CDK18: variants seen among roughly 807,000 people sequenced by gnomAD.
CDK18 encodes the protein cyclin-dependent kinase 18.
Under a neutral mutation model 62.0 loss-of-function variants are expected in CDK18, and 52 were observed. The observed-to-expected ratio is 0.84, with a 90% CI of 0.67 to 1.06. The LOEUF (loss-of-function observed/expected upper bound fraction) is 1.06, where lower values mean the gene tolerates loss of function less well. Among genes scored for constraint, CDK18 ranks in the 50% least tolerant of loss-of-function variants. The probability of loss-of-function intolerance (pLI) is 0.00; values close to 1 mark genes in which losing one functional copy is unlikely to be tolerated. For synonymous variants in CDK18, 237 were observed against 247.0 expected (o/e 0.96, Z 0.38); for missense variants, 604 against 619.9 (o/e 0.97, Z 0.27).
chr1:205,525,796 C>T (rs16855729), intron 5 of CDK18, among the ~76,000 whole-genome samples: 11,686 of 152,220 alleles, frequency 0.077, 547 homozygotes, highest in Admixed American at 0.13. Flanking sequence ...TAAACATCAG[C>T]ATCGTATAAG....
intron 1 of CDK18, among the ~76,000 whole-genome samples, chr1:205,519,763 G>C (rs1197845702): frequency 6.6e-6 from 1 of 152,036 alleles, no homozygotes; most frequent in Non-Finnish European, 1.5e-5. Flanking sequence ...TGTGACTCAG[G>C]GCTGAATCTC....
rs927653565 is a variant in CDK18 at position 205,526,625 on chromosome 1, G to C, written c.667-150G>C. 17 of 949,408 alleles carry C rather than the reference G, an allele frequency of 1.8e-5. No homozygotes were observed. In the Middle Eastern group the frequency reaches 7.0e-4, roughly 39 times the overall value. 58.8% of individuals were successfully genotyped at this position (949,408 alleles called of 1,614,324 possible). A position where few individuals can be genotyped will look rare whatever the true frequency, so the allele number is the denominator to read the frequency against. On this transcript the variant is annotated intron_variant, in intron 7 of 15. Transcript: ENST00000429964. ...GCTCCCGTGCAGGAGTGGGCCAAGA[G>C]CTCAGGCTTACGGGTGGCTCGAGCC...
At chr1:205,519,227 CA>C (rs1337620493) in intron 1 of CDK18, among the ~76,000 whole-genome samples, 1 of 152,126 alleles carries the variant, frequency 6.6e-6, no homozygotes, top group Non-Finnish European at 1.5e-5. Flanking sequence ...CCTCGACCCC[CA>C]AATCTGAGGA....
Position 205,529,084 on chromosome 1 carries a change from T to C in CDK18, c.1060T>C (p.Phe354Leu). Residue 354 changes from phenylalanine (F) to leucine (L), a missense_variant, in exon 11 of 16, where the codon TTT becomes CTT. Physicochemically the swap from Phe to Leu is conservative, Grantham distance 22. Coordinates refer to ENST00000429964, the MANE Select transcript of CDK18 (RefSeq NM_212502.3). ...AGTCAAGGAGGAGCTGCACCTCATC[T>C]TTCGCCTCCTCGGTCAGTCTCCCGC... ...STVKEELHLIFRLLGTPTEET... is the reference protein window; with the variant it reads ...STVKEELHLILRLLGTPTEET... The C allele has an allele frequency of 1.3e-6, 2 of 1,582,464 alleles. No individual in the cohort carries two copies. The highest frequency in any genetic ancestry group is 1.7e-6 in the Non-Finnish European group (2 of 1,164,052).
At chr1:205,508,238 C>CT (rs1667404597) in intron 1 of CDK18, among the ~76,000 whole-genome samples, 2 of 152,248 alleles carry the variant, frequency 1.3e-5, no homozygotes, top group African/African-American at 4.8e-5. Flanking sequence ...TCACCTTTGC[C>CT]CTCCAGGCAT....
intron 1 of CDK18, among the ~76,000 whole-genome samples, chr1:205,518,845 C>T (rs1667965780): frequency 6.6e-6 from 1 of 152,182 alleles, no homozygotes; most frequent in South Asian, 2.1e-4. Flanking sequence ...AGGTTCTGGG[C>T]CGGCTGCTGT....
rs1575056177 is a variant in CDK18, at chr1:205,517,402, T to C, written c.-21-5745T>C. On this transcript the variant is annotated intron_variant, in intron 1 of 15. Coordinates refer to ENST00000429964, the MANE Select transcript of CDK18 (RefSeq NM_212502.3). This position sits in a 1 kb window ranked among gnomAD's most constrained non-coding sequence, Gnocchi z 4.1. ...GATGAAGTTTATATGAGGACTCTTT[T>C]TGTCTGGGCAGTAGCTTGAGAGAGG... 2.0e-5 allele frequency among the ~76,000 whole-genome samples: 3 copies of C among 152,184 alleles called. No individual in the cohort carries two copies. In the East Asian group the frequency reaches 5.8e-4, roughly 29 times the overall value.
intron 1 of CDK18, among the ~76,000 whole-genome samples, chr1:205,519,738 C>G (rs968291978): frequency 1.3e-5 from 2 of 152,096 alleles, no homozygotes; most frequent in African/African-American, 4.8e-5. Context: ...CTCACTGAAC[C>G]TTAGGGAGAG....
chr1:205,527,716 G>T lies in CDK18; in HGVS notation c.730-78G>T. The T allele has an allele frequency of 7.1e-7, 1 of 1,415,708 alleles. No homozygotes were observed. The highest frequency in any genetic ancestry group is 1.4e-5 in the African/African-American group (1 of 71,500). 87.7% of individuals were successfully genotyped at this position (1,415,708 alleles called of 1,614,324 possible). A position where few individuals can be genotyped will look rare whatever the true frequency, so the allele number is the denominator to read the frequency against. On this transcript the variant is annotated intron_variant, in intron 8 of 15. Coordinates refer to ENST00000429964, the MANE Select transcript of CDK18 (RefSeq NM_212502.3). The surrounding 1 kb of genome is among the most constrained non-coding windows in gnomAD (Gnocchi z 4.1). ...GTGCTGACCTCACTGCCAAGCCCCT[G>T]CCCCCATCCTGGTCCCAGCCTTGGA...
At position 205,528,692 on chromosome 1, in the gene CDK18, A is replaced by C. The variant is rs1368500642; in HGVS notation, c.975-307A>C. On this transcript the variant is annotated intron_variant, in intron 10 of 15. Transcript: ENST00000429964. The surrounding 1 kb of genome is among the most constrained non-coding windows in gnomAD (Gnocchi z 4.2). ...GCACACAGTGGAGAGAGTTTGAGAC[A>C]ACACTGCTGAGAGAATTGCCACATG... The C allele has an allele frequency of 2.8e-6, 1 of 353,494 alleles. No individual in the cohort carries two copies. The highest frequency in any genetic ancestry group is 4.3e-5 in the East Asian group (1 of 23,054). 21.9% of individuals were successfully genotyped at this position (353,494 alleles called of 1,614,324 possible).
chr1:205,514,040 T>TTGGGTCAGGCTC (rs1667699182), intron 1 of CDK18, among the ~76,000 whole-genome samples: 1 of 152,256 alleles, frequency 6.6e-6, no homozygotes, highest in African/African-American at 2.4e-5. Flanking sequence ...GTCTCAGGCT[T>TTGGGTCAGGCTC]TGGGTCAGGC....
intron 1 of CDK18, among the ~76,000 whole-genome samples, chr1:205,509,812 G>A (rs911027920): frequency 7.2e-5 from 11 of 152,152 alleles, no homozygotes; most frequent in Non-Finnish European, 1.5e-4. Flanking sequence ...AGGCACAGAG[G>A]CTCACACCTG....
In CDK18 at chr1:205,531,638, AG is replaced by A. The variant is rs935600520; in HGVS notation, c.*268del. 1.6e-4 allele frequency: 79 copies of A among 488,510 alleles called. No individual in the cohort carries two copies. The highest frequency in any genetic ancestry group is 1.9e-4 in the Non-Finnish European group (51 of 266,720). 30.3% of individuals were successfully genotyped at this position (488,510 alleles called of 1,614,324 possible). A position where few individuals can be genotyped will look rare whatever the true frequency, so the allele number is the denominator to read the frequency against. On this transcript the variant is annotated 3_prime_UTR_variant, in exon 16 of 16. Coordinates refer to ENST00000429964, the MANE Select transcript of CDK18 (RefSeq NM_212502.3). ...TAAGCTGCTTCCCTGAGAGGACATG[AG>A]GGGGGGGCGGTCCTCGTACCCTCTC...
At chr1:205,529,200 C>T (rs944696003) in intron 11 of CDK18, 104 bp downstream of exon 11, 1 of 1,349,210 alleles carries the variant, frequency 7.4e-7, no homozygotes, top group Non-Finnish European at 1.0e-6. Context: ...CCGCCTCTCT[C>T]CCGGGCGGGG....
chr1:205,516,626 A>G lies in CDK18; in HGVS notation c.-21-6521A>G, dbSNP rs905525471. On this transcript the variant is annotated intron_variant, in intron 1 of 15. Transcript: ENST00000429964. The surrounding 1 kb of genome is among the most constrained non-coding windows in gnomAD (Gnocchi z 4.8). ...AGGCATAGAGACCAACGTGCTCCAGATGAGGGAGACAGGTGAAAAGTCACG... is the reference window on the plus strand; with the variant it reads ...AGGCATAGAGACCAACGTGCTCCAGGTGAGGGAGACAGGTGAAAAGTCACG... Among the ~76,000 whole-genome samples, 2 of 152,158 alleles carry G rather than the reference A, an allele frequency of 1.3e-5. No individual in the cohort carries two copies. Among genetic ancestry groups the G allele is most frequent in the Non-Finnish European group, 2.9e-5 (2 of 68,022 alleles).
In CDK18 at chr1:205,531,700, A is replaced by C. The variant is rs1209613316; in HGVS notation, c.*322A>C. On this transcript the variant is annotated 3_prime_UTR_variant, in exon 16 of 16. Coordinates refer to ENST00000429964, the MANE Select transcript of CDK18 (RefSeq NM_212502.3). ...GTTTGGGCACCTGCGTGGGATGCAC[A>C]CGGATGACAGAATCAAGGCGCCAGG... 2.7e-6 allele frequency: 1 copy of C among 366,156 alleles called. No homozygotes were observed. The highest frequency in any genetic ancestry group is 5.1e-6 in the Non-Finnish European group (1 of 194,620). The allele number at this position is 366,156 out of a possible 1,614,324, so 22.7% of individuals were successfully genotyped here.
Position 205,527,592 on chromosome 1 carries a change from TC to T in CDK18, c.730-200del. 1.7e-6 allele frequency: 1 copy of T among 575,442 alleles called. No homozygotes were observed. The highest frequency in any genetic ancestry group is 2.1e-5 in the South Asian group (1 of 47,556). The allele number at this position is 575,442 out of a possible 1,614,324, so 35.6% of individuals were successfully genotyped here. ...GCTGGCCTCCCCCACACTCACTGCG[TC>T]CTCTGCACCCCTGCTGTCCTCCCCT... On this transcript the variant is annotated intron_variant, in intron 8 of 15. Transcript: ENST00000429964. The surrounding 1 kb of genome is among the most constrained non-coding windows in gnomAD (Gnocchi z 4.1).
rs1668553024 is a variant in CDK18, at chr1:205,528,419, C to A, written c.974+251C>A. On this transcript the variant is annotated intron_variant, in intron 10 of 15. Coordinates refer to ENST00000429964, the MANE Select transcript of CDK18 (RefSeq NM_212502.3). This position sits in a 1 kb window ranked among gnomAD's most constrained non-coding sequence, Gnocchi z 4.2. ...CCCCCAGAGGCCTGTGGGGGGTTAC[C>A]AGAGACCCAGAGGGTCCAGGAGGGC... 6.6e-6 allele frequency among the ~76,000 whole-genome samples: 1 copy of A among 152,102 alleles called. No homozygotes were observed. Among genetic ancestry groups the A allele is most frequent in the South Asian group, 2.1e-4 (1 of 4,812 alleles).
intron 1 of CDK18, among the ~76,000 whole-genome samples, chr1:205,512,611 C>T (rs141794209): frequency 1.2e-4 from 19 of 152,288 alleles, no homozygotes; most frequent in Admixed American, 9.1e-4. Flanking sequence ...GAGGGAGAGG[C>T]GGGGCAATCC....
Sources: gnomAD v4.1 joint callset for allele counts (sites outside exome capture counted in the v4.1 genomes callset) on GRCh38, gnomAD v4.1.1 for gene constraint, Gnocchi (gnomAD v3.1) non-coding constraint, MANE v1.5 for transcripts, NCBI Gene and HGNC (gene_info 2026-07-23, HGNC 2026-07-21) for gene names.